IPO11: variants seen among roughly 807,000 people sequenced by gnomAD.
IPO11 encodes the protein importin 11.
IPO11 carries 66 observed loss-of-function variants against 143.2 expected under a neutral mutation model. That is an observed-to-expected ratio of 0.46 (90% CI 0.38 to 0.57). The LOEUF (loss-of-function observed/expected upper bound fraction) is 0.57. IPO11 is among the 20% of genes least tolerant of loss of function. The pLI, the probability that IPO11 is intolerant of heterozygous loss-of-function variation, is 0.00. For missense variants in IPO11, 1,026 were observed against 1,141.0 expected (o/e 0.90, Z 1.45); for synonymous variants, 385 against 377.8 (o/e 1.02, Z -0.22).
At chr5:62,504,746 A>G in intron 17 of IPO11, 46 bp downstream of exon 17, 1 of 1,384,096 alleles carries the variant, frequency 7.2e-7, no homozygotes, top group East Asian at 2.5e-5. Flanking sequence ...AAGAACTTTA[A>G]CACTTTTAAT....
chr5:62,516,628 A>G (rs950003654), intron 20 of IPO11, among the ~76,000 whole-genome samples: 2 of 152,170 alleles, frequency 1.3e-5, no homozygotes, highest in African/African-American at 4.8e-5. Flanking sequence ...TTTTAGTTAC[A>G]GATTCCTGTT....
chr5:62,597,427 G>C (rs1188702584), intron 28 of IPO11, among the ~76,000 whole-genome samples: 1 of 152,166 alleles, frequency 6.6e-6, no homozygotes, highest in African/African-American at 2.4e-5. Flanking sequence ...GTGTCTTCAG[G>C]GCTGTACCTG....
At chr5:62,490,593 T>G (rs1481640589) in intron 15 of IPO11, among the ~76,000 whole-genome samples, 1 of 152,136 alleles carries the variant, frequency 6.6e-6, no homozygotes, top group Non-Finnish European at 1.5e-5. Context: ...ACTGCAAGTC[T>G]CTGGGGAGAC....
chr5:62,519,498 C>A (rs1486882923), intron 20 of IPO11, among the ~76,000 whole-genome samples: 5 of 152,260 alleles, frequency 3.3e-5, no homozygotes, highest in Admixed American at 6.5e-5. Context: ...AAATGTAATT[C>A]TTTTATACCC....
At position 62,467,211 on chromosome 5, in the gene IPO11, C is replaced by T; in HGVS notation, c.597C>T (p.Gly199=). ...CATTCCTGCAAGAAGTTTCTTCTGG[C>T]AATGAAGCTGCAATTTTGAGTTCAC... The part of the protein sequence containing the change: ...TDTFLQEVSS[G]NEAAILSSLE... The change falls in exon 6 of 30, where the codon GGC becomes GGT. Residue 199 remains glycine, a synonymous_variant. Coordinates refer to ENST00000325324, the MANE Select transcript of IPO11 (RefSeq NM_016338.5). 1 of 1,613,932 alleles carries T rather than the reference C, an allele frequency of 6.2e-7. No homozygotes were observed. The highest frequency in any genetic ancestry group is 1.1e-5 in the South Asian group (1 of 91,056).
chr5:62,612,098 T>C (rs1357289494), intron 29 of IPO11, among the ~76,000 whole-genome samples: 2 of 152,190 alleles, frequency 1.3e-5, no homozygotes, highest in African/African-American at 4.8e-5. Flanking sequence ...TTTATATACA[T>C]ACATAAAATA....
chr5:62,468,937 A>G (rs1745662744), intron 6 of IPO11, among the ~76,000 whole-genome samples: 2 of 152,226 alleles, frequency 1.3e-5, no homozygotes, highest in South Asian at 4.1e-4. Context: ...TCTTTTAGAC[A>G]TGGATGCATT....
At chr5:62,448,190 C>G (rs1471812192) in intron 3 of IPO11, among the ~76,000 whole-genome samples, 1 of 151,022 alleles carries the variant, frequency 6.6e-6, no homozygotes. Context: ...TTTTTTCAGT[C>G]TGATAACAAG....
rs995019567 is a variant in IPO11 at position 62,441,496 on chromosome 5, C to CTTT, written c.139-1455_139-1453dup. Reference sequence around the variant, plus strand: ...ACAGGCATGAGCCACTGTGCCTGGCCTTTTTTTTTTTTTTTTTTTTTTTTT... The same window carrying CTTT: ...ACAGGCATGAGCCACTGTGCCTGGCCTTTTTTTTTTTTTTTTTTTTTTTTTTTT... On this transcript the variant is annotated intron_variant, in intron 2 of 29. Coordinates refer to ENST00000325324, the MANE Select transcript of IPO11 (RefSeq NM_016338.5). Among the ~76,000 whole-genome samples, 147 of 47,370 alleles carry CTTT rather than the reference C, an allele frequency of 3.1e-3. 11 individuals carry two copies. The highest frequency in any genetic ancestry group is 4.0e-3 in the Non-Finnish European group (110 of 27,646). The allele number at this position is 47,370 out of a possible 152,430, so 31.1% of individuals were successfully genotyped here. A position where few individuals can be genotyped will look rare whatever the true frequency, so the allele number is the denominator to read the frequency against.
At chr5:62,564,111 G>A (rs898450951) in intron 27 of IPO11, among the ~76,000 whole-genome samples, 3 of 151,872 alleles carry the variant, frequency 2.0e-5, no homozygotes, top group African/African-American at 7.3e-5. Context: ...AAAGAATAAT[G>A]ATTTAACTTC....
intron 27 of IPO11, among the ~76,000 whole-genome samples, chr5:62,589,367 A>G (rs546286791): frequency 6.6e-6 from 1 of 152,188 alleles, no homozygotes; most frequent in Admixed American, 6.5e-5. Context: ...CACTTTCATC[A>G]TCTTCCTTCT....
At chr5:62,430,312 T>A (rs2112114684) in intron 1 of IPO11, among the ~76,000 whole-genome samples, 1 of 152,276 alleles carries the variant, frequency 6.6e-6, no homozygotes, top group Admixed American at 6.5e-5. Flanking sequence ...GGTTGCAGTT[T>A]CTCCTTACTG....
At chr5:62,452,614 TGACAG>T in intron 5 of IPO11, among the ~76,000 whole-genome samples, 1 of 150,448 alleles carries the variant, frequency 6.6e-6, no homozygotes, top group Non-Finnish European at 1.5e-5. Context: ...AAGTAGGGAG[TGACAG>T]CCTTTTATCA....
chr5:62,432,727 T>C (rs942566764), intron 1 of IPO11, among the ~76,000 whole-genome samples: 5 of 152,214 alleles, frequency 3.3e-5, no homozygotes, highest in African/African-American at 1.2e-4. Flanking sequence ...TCCAGAAATA[T>C]TCTTTCTCTT....
chr5:62,623,991 G>A (rs1746466764), intron 29 of IPO11, among the ~76,000 whole-genome samples: 2 of 151,430 alleles, frequency 1.3e-5, no homozygotes, highest in Admixed American at 1.3e-4. Flanking sequence ...TTGGGAAGGG[G>A]TGGTCAATTC....
chr5:62,606,134 A>G lies in IPO11; in HGVS notation c.2763+4286A>G, dbSNP rs538008490. ...TTTTAAAATATGTGTATATTGCAGA[A>G]TGGCTGAATCAAGCTAATGAGCAAA... On this transcript the variant is annotated intron_variant, in intron 29 of 29. Coordinates refer to ENST00000325324, the MANE Select transcript of IPO11 (RefSeq NM_016338.5). Among the ~76,000 whole-genome samples, 30 of 152,222 alleles carry G rather than the reference A, an allele frequency of 2.0e-4. No homozygotes were observed. In the Middle Eastern group the frequency reaches 0.01, roughly 52 times the overall value.
intron 20 of IPO11, 29 bp from the exon 21 acceptor site, chr5:62,526,110 CTTA>C (rs1429292977): frequency 3.5e-6 from 5 of 1,425,928 alleles, no homozygotes; most frequent in South Asian, 3.5e-5. Context: ...ATTAGAGTGT[CTTA>C]TTATAAGTTT....
intron 16 of IPO11, among the ~76,000 whole-genome samples, chr5:62,502,600 CT>C (rs992792206): frequency 5.9e-5 from 9 of 152,146 alleles, no homozygotes; most frequent in Non-Finnish European, 1.3e-4. Context: ...ACCTTTTTCT[CT>C]GCACATACTA....
rs531702728 is a variant in IPO11 at position 62,463,848 on chromosome 5, G to A, written c.517-3283G>A. Among the ~76,000 whole-genome samples, 4 of 149,810 alleles carry A rather than the reference G, an allele frequency of 2.7e-5. No individual in the cohort carries two copies. The South Asian group carries it at 6.3e-4, about 24-fold the overall frequency. On this transcript the variant is annotated intron_variant, in intron 5 of 29. Transcript: ENST00000325324. The stretch of plus-strand genomic sequence containing the variant: ...GTATTTTTTTTTTTTTTTAATGACA[G>A]AGTCTCGCTCTGTTACGCAGGCTGG...
Sources: allele counts gnomAD v4.1 joint callset (sites outside exome capture counted in the v4.1 genomes callset), GRCh38; gene constraint gnomAD v4.1.1; transcripts MANE v1.5; gene names NCBI Gene and HGNC (gene_info 2026-07-23, HGNC 2026-07-21).